ADAM22: variants seen among roughly 807,000 people sequenced by gnomAD.
ADAM22 encodes the protein disintegrin and metalloproteinase domain-containing protein 22.
In ADAM22, 65 loss-of-function variants were observed where a neutral mutation model predicts 144.6. That is an observed-to-expected ratio of 0.45 (90% CI 0.37 to 0.55). The LOEUF (loss-of-function observed/expected upper bound fraction) is 0.55, where lower values mean the gene tolerates loss of function less well. ADAM22 is among the 20% of genes least tolerant of loss of function. The pLI is 0.00. For missense variants in ADAM22, 974 were observed against 1,184.9 expected (o/e 0.82, Z 2.61); for synonymous variants, 391 against 412.6 (o/e 0.95, Z 0.63).
intron 7 of ADAM22, among the ~76,000 whole-genome samples, chr7:88,122,855 CTT>C (rs1333534412): frequency 2.6e-5 from 4 of 152,204 alleles, no homozygotes; most frequent in African/African-American, 9.6e-5. Context: ...CTCCATGACT[CTT>C]GGCTCTGTGT....
chr7:88,093,753 C>T (rs929505222), intron 4 of ADAM22, among the ~76,000 whole-genome samples: 1 of 152,052 alleles, frequency 6.6e-6, no homozygotes, highest in Non-Finnish European at 1.5e-5. Flanking sequence ...CACCACGTTA[C>T]CCAGGCTGGT....
intron 3 of ADAM22, among the ~76,000 whole-genome samples, chr7:87,996,052 C>G (rs1791138645): frequency 6.6e-6 from 1 of 152,148 alleles, no homozygotes; most frequent in Non-Finnish European, 1.5e-5. Context: ...ATTAGCTACT[C>G]AGTCAGTCAC....
chr7:88,062,552 G>A lies in ADAM22; in HGVS notation c.324-13074G>A, dbSNP rs113093464. ...GACCACTAAAACTTTCTTCATATCAGCAATAAGGCTGTTTTGCTTTTTTAT... is the reference window on the plus strand; with the variant it reads ...GACCACTAAAACTTTCTTCATATCAACAATAAGGCTGTTTTGCTTTTTTAT... On this transcript the variant is annotated intron_variant, in intron 3 of 31. Transcript: ENST00000413139. 1.0e-2 allele frequency among the ~76,000 whole-genome samples: 1,515 copies of A among 152,248 alleles called. 26 individuals carry two copies. The highest frequency in any genetic ancestry group is 0.041 in the East Asian group (213 of 5,184).
rs150508173 is a variant in ADAM22 at position 88,053,300 on chromosome 7, C to T, written c.324-22326C>T. Among the ~76,000 whole-genome samples the T allele has an allele frequency of 6.0e-3, 911 of 151,300 alleles. 14 individuals are homozygous for T. The highest frequency in any genetic ancestry group is 0.021 in the African/African-American group (857 of 41,238). The stretch of plus-strand genomic sequence containing the variant: ...GGGCAACATAGCAAGACACCCTCTC[C>T]GCTAAAAAAAAAAAAATTTAGCTGG... On this transcript the variant is annotated intron_variant, in intron 3 of 31. Coordinates refer to ENST00000413139, the MANE Select transcript of ADAM22 (RefSeq NM_001324418.2).
intron 3 of ADAM22, among the ~76,000 whole-genome samples, chr7:88,036,157 G>C (rs1011080265): frequency 2.0e-5 from 3 of 152,068 alleles, no homozygotes; most frequent in Non-Finnish European, 2.9e-5. Flanking sequence ...AATAATCTCT[G>C]CATGGGTATT....
At chr7:88,081,879 G>A (rs1040869427) in intron 4 of ADAM22, among the ~76,000 whole-genome samples, 1 of 149,890 alleles carries the variant, frequency 6.7e-6, no homozygotes, top group African/African-American at 2.5e-5. Context: ...TCATGGGTAG[G>A]AAGAATCAAT....
intron 3 of ADAM22, among the ~76,000 whole-genome samples, chr7:88,058,971 G>A (rs898242439): frequency 3.3e-5 from 5 of 152,110 alleles, no homozygotes; most frequent in African/African-American, 7.2e-5. Flanking sequence ...AACAACCCAC[G>A]TTTCTGGATT....
chr7:87,976,139 A>C (rs1161200752), intron 2 of ADAM22, among the ~76,000 whole-genome samples: 4 of 152,186 alleles, frequency 2.6e-5, no homozygotes, highest in Non-Finnish European at 5.9e-5. Context: ...TCAAGTACTG[A>C]GGTCTTGATG....
chr7:88,148,915 A>AAACAAACAAT, intron 17 of ADAM22, 62 bp from the exon 18 acceptor site: 1 of 1,237,754 alleles, frequency 8.1e-7, no homozygotes. Context: ...TTTTTTTTAG[A>AAACAAACAAT]TGATATTGTA....
chr7:88,052,231 C>G (rs1806635070), intron 3 of ADAM22, among the ~76,000 whole-genome samples: 1 of 151,770 alleles, frequency 6.6e-6, no homozygotes, highest in Non-Finnish European at 1.5e-5. Flanking sequence ...GACGCGGTGG[C>G]TCACGCCTGT....
chr7:88,141,154 G>A (rs921506256), intron 14 of ADAM22, among the ~76,000 whole-genome samples: 1 of 152,190 alleles, frequency 6.6e-6, no homozygotes, highest in Non-Finnish European at 1.5e-5. Flanking sequence ...AGTGTTTGTC[G>A]GGAGCTGGTT....
chr7:88,202,251 T>TA lies in ADAM22; in HGVS notation c.*5767dup, dbSNP rs1264754108. The TA allele has an allele frequency of 2.6e-5, 4 of 152,152 alleles. No homozygotes were observed. The highest frequency in any genetic ancestry group is 2.1e-4 in the South Asian group (1 of 4,832). The allele number at this position is 152,152 out of a possible 1,614,324, so 9.4% of individuals were successfully genotyped here. A position where few individuals can be genotyped will look rare whatever the true frequency, so the allele number is the denominator to read the frequency against. On this transcript the variant is annotated 3_prime_UTR_variant, in exon 32 of 32. Coordinates refer to ENST00000413139, the MANE Select transcript of ADAM22 (RefSeq NM_001324418.2). ...TTTTACACTAACTGCAAAACTGCTTTAAAAAAAGGCTTATTCAGGATAGAT... is the reference window on the plus strand; with the variant it reads ...TTTTACACTAACTGCAAAACTGCTTTAAAAAAAAGGCTTATTCAGGATAGAT...
chr7:88,101,045 G>A (rs1822775500), intron 4 of ADAM22, among the ~76,000 whole-genome samples: 1 of 151,288 alleles, frequency 6.6e-6, no homozygotes, highest in Middle Eastern at 3.4e-3. Flanking sequence ...GTTAGTTCCT[G>A]CAAGGTGGTA....
intron 4 of ADAM22, among the ~76,000 whole-genome samples, chr7:88,087,270 A>G (rs1161437256): frequency 6.6e-6 from 1 of 152,186 alleles, no homozygotes; most frequent in Non-Finnish European, 1.5e-5. Context: ...CATTTTTGGT[A>G]TCTAACAATT....
intron 3 of ADAM22, among the ~76,000 whole-genome samples, chr7:88,023,171 A>G (rs569018953): frequency 6.6e-6 from 1 of 152,280 alleles, no homozygotes; most frequent in African/African-American, 2.4e-5. Flanking sequence ...GATGGATTAT[A>G]TTCAGAACAA....
intron 2 of ADAM22, among the ~76,000 whole-genome samples, chr7:87,968,560 T>C (rs1385244203): frequency 6.6e-6 from 1 of 151,854 alleles, no homozygotes; most frequent in African/African-American, 2.4e-5. Flanking sequence ...ACAAAAAATT[T>C]AAAAAATAGA....
intron 3 of ADAM22, among the ~76,000 whole-genome samples, chr7:88,030,955 A>T (rs1800106689): frequency 6.6e-6 from 1 of 152,156 alleles, no homozygotes; most frequent in South Asian, 2.1e-4. Flanking sequence ...TCTCTACTAA[A>T]AATACAAAAA....
At chr7:88,052,353 A>C in intron 3 of ADAM22, among the ~76,000 whole-genome samples, 1 of 151,726 alleles carries the variant, frequency 6.6e-6, no homozygotes, top group South Asian at 2.1e-4. Flanking sequence ...AAAAAAAAAA[A>C]AAAAAATTAG....
intron 30 of ADAM22, among the ~76,000 whole-genome samples, chr7:88,192,827 A>G (rs750987018): frequency 1.6e-4 from 24 of 152,170 alleles, no homozygotes; most frequent in Non-Finnish European, 3.2e-4. Flanking sequence ...TCCCTTCTGC[A>G]TTTTAGCTTT....
Sources: gnomAD v4.1 joint callset for allele counts (sites outside exome capture counted in the v4.1 genomes callset) on GRCh38, gnomAD v4.1.1 for gene constraint, MANE v1.5 for transcripts, NCBI Gene and HGNC (gene_info 2026-07-23, HGNC 2026-07-21) for gene names.